Variants in CTNND2 observed in about 807,000 individuals in gnomAD.
The protein encoded by CTNND2 is catenin delta-2.
CTNND2 carries 22 observed loss-of-function variants against 144.4 expected under a neutral mutation model. The observed-to-expected ratio is 0.15, with a 90% confidence interval of 0.11 to 0.22. CTNND2 has a LOEUF of 0.22. Among genes scored for constraint, CTNND2 ranks in the 10% least tolerant of loss-of-function variants. The pLI, the probability that CTNND2 is intolerant of heterozygous loss-of-function variation, is 1.00. For missense variants in CTNND2, 1,353 were observed against 1,618.8 expected, an observed-to-expected ratio of 0.84 and a Z score of 2.82; for synonymous variants, 751 against 695.6, an observed-to-expected ratio of 1.08 and a Z score of -1.25.
chr5:11,125,151 G>C (rs1754551461), intron 12 of CTNND2, among the ~76,000 whole-genome samples: 1 of 152,164 alleles, frequency 6.6e-6, no homozygotes, highest in African/African-American at 2.4e-5. Context: ...GAAGGAAGGG[G>C]TGTCTTCGCC....
intron 11 of CTNND2, among the ~76,000 whole-genome samples, chr5:11,187,667 C>A (rs1729494327): frequency 6.6e-6 from 1 of 152,110 alleles, no homozygotes. Flanking sequence ...AGTGAACAGG[C>A]AACCTACAGA....
intron 9 of CTNND2, among the ~76,000 whole-genome samples, chr5:11,238,746 A>G (rs1741910316): frequency 6.6e-6 from 1 of 152,106 alleles, no homozygotes; most frequent in Non-Finnish European, 1.5e-5. Context: ...CATACACACT[A>G]TATATATACA....
At chr5:11,616,303 CCTTTT>C (rs961732618) in intron 2 of CTNND2, among the ~76,000 whole-genome samples, 10 of 152,088 alleles carry the variant, frequency 6.6e-5, no homozygotes, top group Non-Finnish European at 1.2e-4. Flanking sequence ...AAAAATATTT[CCTTTT>C]ATTTTTCTCA....
chr5:11,151,049 C>T (rs1372427288), intron 12 of CTNND2, among the ~76,000 whole-genome samples: 2 of 152,240 alleles, frequency 1.3e-5, no homozygotes, highest in Non-Finnish European at 2.9e-5. Flanking sequence ...CATGGCCCCA[C>T]GTGGACTCTG....
rs77460864 is a variant in CTNND2, at chr5:11,804,505, A to G, written c.38-72233T>C. ...ATAAACTGGTATAGTCATATAATGG[A>G]AGATTATTCAGCCCCAAAAATAAAT... On this transcript the variant is annotated intron_variant, in intron 1 of 21. Transcript: ENST00000304623. Among the ~76,000 whole-genome samples, 2,172 of 152,252 alleles carry G rather than the reference A, an allele frequency of 0.014. 125 individuals carry two copies. The East Asian group carries it at 0.19, about 13-fold the overall frequency.
intron 1 of CTNND2, among the ~76,000 whole-genome samples, chr5:11,776,636 A>G (rs1401561101): frequency 6.6e-6 from 1 of 152,196 alleles, no homozygotes; most frequent in African/African-American, 2.4e-5. Flanking sequence ...AATAGCCTCA[A>G]CCTCACAAAG....
intron 2 of CTNND2, among the ~76,000 whole-genome samples, chr5:11,570,766 A>G (rs1386155377): frequency 6.6e-6 from 1 of 151,994 alleles, no homozygotes; most frequent in Non-Finnish European, 1.5e-5. Context: ...CTATTTATTT[A>G]GGGATCTTTC....
chr5:11,402,738 A>G (rs1171146297), intron 5 of CTNND2, among the ~76,000 whole-genome samples: 1 of 152,246 alleles, frequency 6.6e-6, no homozygotes, highest in Non-Finnish European at 1.5e-5. Context: ...TTGTTATGCA[A>G]GAAAGCTTCA....
chr5:11,858,846 G>A (rs566158452), intron 1 of CTNND2, among the ~76,000 whole-genome samples: 6 of 152,114 alleles, frequency 3.9e-5, no homozygotes, highest in East Asian at 1.9e-4. Flanking sequence ...GGAGAATGGC[G>A]TGAACCTGGG....
intron 2 of CTNND2, among the ~76,000 whole-genome samples, chr5:11,614,131 G>T (rs1181294990): frequency 1.3e-5 from 2 of 152,044 alleles, no homozygotes; most frequent in African/African-American, 4.8e-5. Context: ...TATTTTGAAG[G>T]TAACTTGCTT....
At chr5:11,889,278 ACATTTTC>A (rs1359583991) in intron 1 of CTNND2, among the ~76,000 whole-genome samples, 1 of 152,222 alleles carries the variant, frequency 6.6e-6, no homozygotes, top group Non-Finnish European at 1.5e-5. Flanking sequence ...CACAGGTAAC[ACATTTTC>A]AGTTACAAAC....
intron 12 of CTNND2, among the ~76,000 whole-genome samples, chr5:11,155,693 C>G (rs1990005): frequency 0.5 from 75,610 of 151,876 alleles, 19,512 homozygotes; most frequent in Admixed American, 0.58. Context: ...CTTATCAACT[C>G]AGGCCTCCAA....
chr5:11,791,277 C>T (rs944409937), intron 1 of CTNND2, among the ~76,000 whole-genome samples: 2 of 152,078 alleles, frequency 1.3e-5, no homozygotes, highest in Non-Finnish European at 2.9e-5. Context: ...CAGCAGCCTG[C>T]GGGGTATGGG....
intron 3 of CTNND2, among the ~76,000 whole-genome samples, chr5:11,445,631 T>C (rs1764730442): frequency 6.6e-6 from 1 of 152,120 alleles, no homozygotes; most frequent in Non-Finnish European, 1.5e-5. Flanking sequence ...TAAGACTGCA[T>C]CCCAGTGAAC....
At chr5:11,588,682 A>G in intron 2 of CTNND2, 1 of 812,094 alleles carries the variant, frequency 1.2e-6, no homozygotes, top group Non-Finnish European at 1.5e-6. Context: ...CAACATTCAT[A>G]ATGAAAGCAT....
chr5:11,095,072 G>A (rs1354648351), intron 15 of CTNND2, among the ~76,000 whole-genome samples: 1 of 152,206 alleles, frequency 6.6e-6, no homozygotes, highest in Non-Finnish European at 1.5e-5. Context: ...TTCCCATTAT[G>A]TAAAGTAGAA....
chr5:11,287,773 G>A (rs1235010851), intron 9 of CTNND2, among the ~76,000 whole-genome samples: 2 of 152,172 alleles, frequency 1.3e-5, no homozygotes, highest in Admixed American at 1.3e-4. Flanking sequence ...AAGTGAATAT[G>A]CCTCCTTTTC....
At chr5:11,568,652 C>T (rs189770656) in intron 2 of CTNND2, among the ~76,000 whole-genome samples, 12 of 152,298 alleles carry the variant, frequency 7.9e-5, no homozygotes, top group Non-Finnish European at 1.6e-4. Context: ...AGAGAAGACA[C>T]AGCATTTTCA....
chr5:11,259,376 C>CT (rs1744622588), intron 9 of CTNND2, among the ~76,000 whole-genome samples: 1 of 152,202 alleles, frequency 6.6e-6, no homozygotes, highest in South Asian at 2.1e-4. Flanking sequence ...AGAGAAGATG[C>CT]TAGGTCAATT....
Sources: gnomAD v4.1 joint callset for allele counts (sites outside exome capture counted in the v4.1 genomes callset) on GRCh38, gnomAD v4.1.1 for gene constraint, MANE v1.5 for transcripts, NCBI Gene and HGNC (gene_info 2026-07-23, HGNC 2026-07-21) for gene names.